SCN7A: variants seen among roughly 807,000 people sequenced by gnomAD.
SCN7A encodes the protein sodium voltage-gated channel alpha subunit 7, also known as sodium channel protein type 7 subunit alpha.
SCN7A carries 138 observed loss-of-function variants against 155.2 expected under a neutral mutation model. The ratio of observed to expected loss-of-function variants is 0.89; its 90% CI spans 0.77 to 1.02. SCN7A has a LOEUF of 1.02. SCN7A is among the 50% of genes least tolerant of loss of function. The pLI is 0.00. For missense variants in SCN7A, 2,058 were observed against 1,986.6 expected (o/e 1.04, Z -0.68); for synonymous variants, 693 against 649.0 (o/e 1.07, Z -1.03).
chr2:166,414,256 A>C (rs1215741487), intron 21 of SCN7A, among the ~76,000 whole-genome samples: 22 of 65,106 alleles, frequency 3.4e-4, no homozygotes, highest in Non-Finnish European at 6.1e-4. Flanking sequence ...ATATATATAG[A>C]TATATATACA....
chr2:166,472,480 A>G, intron 5 of SCN7A, 35 bp from the exon 6 acceptor site: 1 of 1,450,124 alleles, frequency 6.9e-7, no homozygotes, highest in Non-Finnish European at 9.5e-7. Context: ...ATTATTGGTG[A>G]GAATAATACA....
chr2:166,428,051 T>A (rs1701661034), intron 17 of SCN7A, 109 bp from the exon 18 acceptor site: 1 of 1,098,228 alleles, frequency 9.1e-7, no homozygotes. Flanking sequence ...CAAATTCTAA[T>A]CCAGGTTGTC....
At chr2:166,452,523 C>A (rs1266240367) in intron 11 of SCN7A, among the ~76,000 whole-genome samples, 1 of 152,032 alleles carries the variant, frequency 6.6e-6, no homozygotes, top group Non-Finnish European at 1.5e-5. Context: ...TCTTTATATC[C>A]AGTGCTTTGT....
intron 16 of SCN7A, among the ~76,000 whole-genome samples, chr2:166,429,724 G>C (rs1312808836): frequency 1.3e-5 from 2 of 151,974 alleles, no homozygotes; most frequent in African/African-American, 4.8e-5. Context: ...GTAAAATTCA[G>C]TCCAGATGGT....
At chr2:166,434,645 C>T (rs186307603) in intron 15 of SCN7A, among the ~76,000 whole-genome samples, 1 of 152,122 alleles carries the variant, frequency 6.6e-6, no homozygotes, top group Non-Finnish European at 1.5e-5. Context: ...CCATAGGAGC[C>T]ACACTATTAG....
At chr2:166,414,297 TATATATATATATATACAC>T (rs1272353149) in intron 21 of SCN7A, among the ~76,000 whole-genome samples, 36 of 92,422 alleles carry the variant, frequency 3.9e-4, no homozygotes, top group African/African-American at 1.2e-3. Context: ...CACACACATA[TATATATATATATATACAC>T]ATATATATAT....
intron 15 of SCN7A, among the ~76,000 whole-genome samples, chr2:166,435,761 G>A (rs911160122): frequency 2.6e-5 from 4 of 151,948 alleles, no homozygotes; most frequent in African/African-American, 9.6e-5. Flanking sequence ...TTTTTAAAAG[G>A]CAACTGAATT....
intron 14 of SCN7A, 45 bp downstream of exon 14, chr2:166,443,458 G>A: frequency 1.3e-6 from 2 of 1,501,056 alleles, no homozygotes; most frequent in Non-Finnish European, 9.0e-7. Context: ...CAGACACTGA[G>A]ATAAACTTTG....
intron 16 of SCN7A, 67 bp downstream of exon 16, chr2:166,432,250 CT>C (rs1701747109): frequency 7.7e-7 from 1 of 1,295,262 alleles, no homozygotes; most frequent in Non-Finnish European, 1.1e-6. Flanking sequence ...AACTTCGGCG[CT>C]GATTTACTTC....
intron 1 of SCN7A, among the ~76,000 whole-genome samples, chr2:166,489,507 A>G (rs10930226): frequency 6.6e-6 from 1 of 152,150 alleles, no homozygotes; most frequent in Non-Finnish European, 1.5e-5. Context: ...CTTGACTAAA[A>G]TGACATCAAT....
chr2:166,473,635 T>C (rs1202717253), intron 5 of SCN7A, among the ~76,000 whole-genome samples, 164 bp downstream of exon 5: 3 of 150,986 alleles, frequency 2.0e-5, no homozygotes, highest in African/African-American at 7.3e-5. Flanking sequence ...GCAAAGAAAA[T>C]AGATGTGAAG....
Position 166,477,529 on chromosome 2 carries a change from G to T in SCN7A, c.168C>A (p.Asn56Lys), listed in dbSNP as rs200608965. Residue 56 changes from asparagine to lysine, a missense_variant, in exon 3 of 26, where the codon AAC (asparagine) becomes AAA (lysine). Coordinates refer to ENST00000643258, the MANE Select transcript of SCN7A (RefSeq NM_002976.4). ...VGKKLPFIYG[N>K]LSQGMVSEPL... The stretch of plus-strand genomic sequence containing the variant: ...GCTCTGACACCATTCCTTGAGAAAG[G>T]TTTCCATAAATAAATGGAAGCTTTT... 37 of 1,560,482 alleles carry T rather than the reference G, an allele frequency of 2.4e-5. No individual in the cohort carries two copies. Among genetic ancestry groups the T allele is most frequent in the Non-Finnish European group, 3.5e-6 (4 of 1,150,578 alleles).
At chr2:166,449,417 G>A (rs935334745) in intron 11 of SCN7A, among the ~76,000 whole-genome samples, 1 of 152,012 alleles carries the variant, frequency 6.6e-6, no homozygotes, top group African/African-American at 2.4e-5. Flanking sequence ...CCAACATTCT[G>A]GTTGGCAAGT....
Position 166,406,455 on chromosome 2 carries a change from A to T in SCN7A, c.4174T>A (p.Phe1392Ile), listed in dbSNP as rs199702766. Residue 1392 changes from phenylalanine (F) to isoleucine (I), a missense_variant, in exon 26 of 26, where the codon TTC becomes ATC. Transcript: ENST00000643258. ...TACATTCCAAATACGGCATAGATGA[A>T]CATGACCAGGAAGATGAGAAGAATG... ...NIILLIFLVM[F>I]IYAVFGMYNF... The T allele has an allele frequency of 1.6e-5, 26 of 1,612,900 alleles. No individual in the cohort carries two copies. Among genetic ancestry groups the T allele is most frequent in the Non-Finnish European group, 2.1e-5 (25 of 1,179,366 alleles).
rs1158758118 is a variant in SCN7A at position 166,447,721 on chromosome 2, T to C, written c.1291-13A>G. On this transcript the variant is annotated splice_polypyrimidine_tract_variant and intron_variant, in intron 11 of 25. Transcript: ENST00000643258. ...GTATGGTCTTGGCCTGAAAAGGAAT[T>C]TGATGGTTTAATACTGGCTTCCTGT... 8 of 1,592,626 alleles carry C rather than the reference T, an allele frequency of 5.0e-6. No individual in the cohort carries two copies. Among genetic ancestry groups the C allele is most frequent in the African/African-American group, 1.3e-5 (1 of 74,424 alleles).
intron 18 of SCN7A, among the ~76,000 whole-genome samples, chr2:166,425,354 A>C (rs564142849): frequency 6.6e-6 from 1 of 152,142 alleles, no homozygotes; most frequent in Non-Finnish European, 1.5e-5. Context: ...GTACCTATGC[A>C]AGACCTAGAA....
intron 21 of SCN7A, among the ~76,000 whole-genome samples, chr2:166,415,826 GA>G (rs1701363543): frequency 6.6e-6 from 1 of 152,052 alleles, no homozygotes; most frequent in Non-Finnish European, 1.5e-5. Flanking sequence ...AGTGCACCTT[GA>G]AAAAGAACAG....
At chr2:166,474,533 G>A (rs1222910132) in intron 3 of SCN7A, among the ~76,000 whole-genome samples, 189 bp from the exon 4 acceptor site, 1 of 151,558 alleles carries the variant, frequency 6.6e-6, no homozygotes. Context: ...ATTTAGGCTT[G>A]CCTATTTATC....
chr2:166,424,605 A>G (rs1401428032), intron 18 of SCN7A, among the ~76,000 whole-genome samples: 1 of 152,112 alleles, frequency 6.6e-6, no homozygotes, highest in Non-Finnish European at 1.5e-5. Context: ...GATCAGTACT[A>G]TAAGTATACA....
Sources: gnomAD v4.1 joint callset for allele counts (sites outside exome capture counted in the v4.1 genomes callset) on GRCh38, gnomAD v4.1.1 for gene constraint, MANE v1.5 for transcripts, NCBI Gene and HGNC (gene_info 2026-07-23, HGNC 2026-07-21) for gene names.